The following SMARCA2 variants were observed in gnomAD, a reference collection of about 807,000 sequenced individuals.
SMARCA2 encodes the protein SWI/SNF-related matrix-associated actin-dependent regulator of chromatin subfamily A member 2.
SMARCA2 carries 61 observed loss-of-function variants against 199.8 expected under a neutral mutation model. That is an observed-to-expected ratio of 0.31 (90% CI 0.25 to 0.38). The LOEUF (loss-of-function observed/expected upper bound fraction) is 0.38, where lower values mean the gene tolerates loss of function less well. SMARCA2 is among the 10% of genes least tolerant of loss of function. The pLI, the probability that SMARCA2 is intolerant of heterozygous loss-of-function variation, is 1.00. For missense variants in SMARCA2, 1,344 were observed against 2,012.2 expected (o/e 0.67, Z 6.35); for synonymous variants, 935 against 732.0 (o/e 1.28, Z -4.48).
At chr9:2,158,115 T>A (rs539929980) in intron 27 of SMARCA2, 28 of 287,530 alleles carry the variant, frequency 9.7e-5, no homozygotes, top group Non-Finnish European at 1.4e-4. Flanking sequence ...TGAAAAACAT[T>A]TTCTTTTAAG....
At chr9:2,094,043 T>A (rs1053719894) in intron 19 of SMARCA2, among the ~76,000 whole-genome samples, 2 of 152,138 alleles carry the variant, frequency 1.3e-5, no homozygotes, top group African/African-American at 4.8e-5. Context: ...GCTGATAGTG[T>A]GATTGGGAAA....
chr9:2,192,776 C>T lies in SMARCA2; in HGVS notation c.*37C>T. ...CTTTTTCCTTGGTAGAACTGAATTC[C>T]TTCCTCCCCTGTCTCATTTCTACCC... On this transcript the variant is annotated 3_prime_UTR_variant, in exon 34 of 34. Transcript: ENST00000349721. 1 of 1,494,284 alleles carries T rather than the reference C, an allele frequency of 6.7e-7. No homozygotes were observed. Among genetic ancestry groups the T allele is most frequent in the Non-Finnish European group, 9.3e-7 (1 of 1,071,398 alleles). The allele number at this position is 1,494,284 out of a possible 1,614,324, so 92.6% of individuals were successfully genotyped here. A position where few individuals can be genotyped will look rare whatever the true frequency, so the allele number is the denominator to read the frequency against.
At chr9:2,072,433 A>G (rs1307052252) in intron 10 of SMARCA2, among the ~76,000 whole-genome samples, 2 of 152,190 alleles carry the variant, frequency 1.3e-5, no homozygotes, top group Non-Finnish European at 2.9e-5. Flanking sequence ...TTTTTGGTCA[A>G]TTTGCCAGAT....
In SMARCA2 at chr9:2,085,267, A is replaced by G. The variant is rs565842690; in HGVS notation, c.2526+1071A>G. On this transcript the variant is annotated intron_variant, in intron 17 of 33. Transcript: ENST00000349721. ...AATATTACTATGGGAATGTGTTTGT[A>G]CATTTGAGATCCTTTTAAAAAAATT... Among the ~76,000 whole-genome samples the G allele has an allele frequency of 9.2e-5, 14 of 152,328 alleles. No homozygotes were observed. In the South Asian group the frequency reaches 2.7e-3, roughly 29 times the overall value.
In SMARCA2 at chr9:2,056,014, A is replaced by G. The variant is rs1820337088; in HGVS notation, c.1174-658A>G. 6.6e-6 allele frequency among the ~76,000 whole-genome samples: 1 copy of G among 152,202 alleles called. No homozygotes were observed. Among genetic ancestry groups the G allele is most frequent in the Non-Finnish European group, 1.5e-5 (1 of 68,034 alleles). ...TCAGATGCAGTGGAATGATTATTTA[A>G]TGTGTATTCTCCAGTCCCTACCCCC... On this transcript the variant is annotated intron_variant, in intron 6 of 33. Coordinates refer to ENST00000349721, the MANE Select transcript of SMARCA2 (RefSeq NM_003070.5). The surrounding 1 kb of genome is among the most constrained non-coding windows in gnomAD (Gnocchi z 4.0).
chr9:2,148,867 C>T (rs886253147), intron 27 of SMARCA2, among the ~76,000 whole-genome samples: 3 of 151,438 alleles, frequency 2.0e-5, no homozygotes, highest in African/African-American at 7.3e-5. Context: ...CTCTCCTGCG[C>T]AAATCCTTGA....
chr9:2,172,747 T>G (rs577487857), intron 29 of SMARCA2, among the ~76,000 whole-genome samples: 18 of 152,226 alleles, frequency 1.2e-4, no homozygotes, highest in African/African-American at 4.1e-4. Context: ...ACCTGAGTTC[T>G]GGGCGTGAGC....
chr9:2,145,141 A>T (rs981024749), intron 27 of SMARCA2, among the ~76,000 whole-genome samples: 1 of 152,088 alleles, frequency 6.6e-6, no homozygotes, highest in South Asian at 2.1e-4. Context: ...TCTACTAACA[A>T]TACAAAAATT....
chr9:2,046,585 G>A (rs1217193711), intron 4 of SMARCA2, among the ~76,000 whole-genome samples: 1 of 152,180 alleles, frequency 6.6e-6, no homozygotes, highest in Non-Finnish European at 1.5e-5. Flanking sequence ...TGTGCTCCTT[G>A]TAGTTCACAT....
At chr9:2,055,676 G>C (rs1820321294) in intron 6 of SMARCA2, 1 of 152,214 alleles carries the variant, frequency 6.6e-6, no homozygotes, top group African/African-American at 2.4e-5. Flanking sequence ...ATGGACATTA[G>C]TGGTGGGTAG....
chr9:2,088,589 A>G lies in SMARCA2; in HGVS notation c.2859A>G (p.Glu953=), dbSNP rs150917593. The change falls in exon 19 of 34, where the codon GAA becomes GAG. Residue 953 remains glutamate (E), a synonymous_variant. Coordinates refer to ENST00000349721, the MANE Select transcript of SMARCA2 (RefSeq NM_003070.5). ...TTTTACTAAGGAGACTGAAGAAAGA[A>G]GTTGAATCCCAGCTTCCCGAAAAAG... ...RPFLLRRLKK[E]VESQLPEKVE... The G allele has an allele frequency of 1.0e-5, 16 of 1,592,996 alleles. No individual in the cohort carries two copies. Among genetic ancestry groups the G allele is most frequent in the Middle Eastern group, 1.7e-4 (1 of 6,022 alleles).
chr9:2,077,112 C>A (rs183055438), intron 13 of SMARCA2, among the ~76,000 whole-genome samples: 35 of 152,202 alleles, frequency 2.3e-4, no homozygotes, highest in African/African-American at 8.4e-4. Flanking sequence ...TGTAGAATAG[C>A]AGAGTAGCTC....
chr9:2,164,762 C>G (rs1444987810), intron 28 of SMARCA2, among the ~76,000 whole-genome samples: 2 of 152,130 alleles, frequency 1.3e-5, no homozygotes, highest in African/African-American at 2.4e-5. Context: ...TATTGAGTAG[C>G]TTTTTCTTTT....
intron 26 of SMARCA2, among the ~76,000 whole-genome samples, chr9:2,121,771 A>G (rs1166540130): frequency 2.0e-5 from 3 of 152,242 alleles, no homozygotes; most frequent in African/African-American, 7.2e-5. Context: ...AACTTCAGAA[A>G]AAGTATCTTT....
At position 2,170,597 on chromosome 9, in the gene SMARCA2, T is replaced by C. The variant is rs568765312; in HGVS notation, c.4253+125T>C. The C allele has an allele frequency of 6.7e-7, 1 of 1,489,818 alleles. No individual in the cohort carries two copies. The highest frequency in any genetic ancestry group is 9.2e-7 in the Non-Finnish European group (1 of 1,085,572). 92.3% of individuals were successfully genotyped at this position (1,489,818 alleles called of 1,614,324 possible). On this transcript the variant is annotated intron_variant, in intron 29 of 33. Coordinates refer to ENST00000349721, the MANE Select transcript of SMARCA2 (RefSeq NM_003070.5). The surrounding 1 kb of genome is among the most constrained non-coding windows in gnomAD (Gnocchi z 4.7). ...TCGGTCACCTCCTGATCACCCCTAC[T>C]TGGAGAGCGGGATAGAGGCACAGAT...
chr9:2,049,995 A>C (rs1820045773), intron 5 of SMARCA2, among the ~76,000 whole-genome samples: 1 of 152,200 alleles, frequency 6.6e-6, no homozygotes, highest in Non-Finnish European at 1.5e-5. Flanking sequence ...AACAGATGTT[A>C]ATTTCTTTGG....
chr9:2,152,729 T>G (rs2130724434), intron 27 of SMARCA2, among the ~76,000 whole-genome samples: 1 of 150,988 alleles, frequency 6.6e-6, no homozygotes, highest in Non-Finnish European at 1.5e-5. Flanking sequence ...GTGCACACCT[T>G]TAGTCCCAGG....
chr9:2,061,112 A>T (rs1820573143), intron 9 of SMARCA2, 126 bp downstream of exon 9: 1 of 889,900 alleles, frequency 1.1e-6, no homozygotes, highest in African/African-American at 1.7e-5. Flanking sequence ...GAATTGTGAA[A>T]ATTGCATAAA....
At chr9:2,085,264 T>C (rs1208847923) in intron 17 of SMARCA2, among the ~76,000 whole-genome samples, 1 of 152,228 alleles carries the variant, frequency 6.6e-6, no homozygotes, top group Admixed American at 6.5e-5. Context: ...GGAATGTGTT[T>C]GTACATTTGA....
Sources: gnomAD v4.1 joint callset for allele counts (sites outside exome capture counted in the v4.1 genomes callset) on GRCh38, gnomAD v4.1.1 for gene constraint, Gnocchi (gnomAD v3.1) non-coding constraint, MANE v1.5 for transcripts, NCBI Gene and HGNC (gene_info 2026-07-23, HGNC 2026-07-21) for gene names.